Variants in COL4A5 observed in about 807,000 individuals in gnomAD.
The protein encoded by COL4A5 is collagen alpha-5(IV) chain.
COL4A5 carries 26 observed loss-of-function variants against 130.2 expected under a neutral mutation model. That is an observed-to-expected ratio of 0.20 (90% CI 0.15 to 0.28). The LOEUF is 0.28. COL4A5 is among the 10% of genes least tolerant of loss of function. The probability of loss-of-function intolerance (pLI) is 1.00; values close to 1 mark genes in which losing one functional copy is unlikely to be tolerated. For synonymous variants in COL4A5, 496 were observed against 439.6 expected, an observed-to-expected ratio of 1.13 and a Z score of -1.60; for missense variants, 1,131 against 1,344.3, an observed-to-expected ratio of 0.84 and a Z score of 2.48.
intron 49 of COL4A5, among the ~76,000 whole-genome samples, chrX:108,690,604 C>G (rs1486000255): frequency 3.6e-5 from 4 of 111,502 alleles, no homozygotes; most frequent in Non-Finnish European, 1.9e-5. Flanking sequence ...TAAAGTCAAT[C>G]TGACTTTAGC....
intron 2 of COL4A5, among the ~76,000 whole-genome samples, chrX:108,548,195 A>G (rs1372624821): frequency 3.6e-5 from 4 of 112,088 alleles, no homozygotes; most frequent in African/African-American, 1.3e-4. Flanking sequence ...TGTCTTCTGC[A>G]TCGCTCACGC....
chrX:108,531,294 G>T (rs1375105329), intron 1 of COL4A5, among the ~76,000 whole-genome samples: 2 of 100,923 alleles, frequency 2.0e-5, no homozygotes, highest in African/African-American at 7.2e-5. Context: ...CACCAGCATG[G>T]CACATGTACA....
At chrX:108,607,836 G>A (rs751265059) in intron 29 of COL4A5, among the ~76,000 whole-genome samples, 1 of 111,172 alleles carries the variant, frequency 9.0e-6, no homozygotes, top group Non-Finnish European at 1.9e-5. Context: ...ATTTTCTTTT[G>A]ACTTTATTTG....
At chrX:108,669,712 T>TACTAGTAATGAATGAGTAATGAGCTC (rs2068159882) in intron 41 of COL4A5, among the ~76,000 whole-genome samples, 1 of 112,188 alleles carries the variant, frequency 8.9e-6, no homozygotes, top group African/African-American at 3.2e-5. Flanking sequence ...TATTCGTTCT[T>TACTAGTAATGAATGAGTAATGAGCTC]ACTAGTAATG....
chrX:108,486,918 G>A (rs1398687384), intron 1 of COL4A5, among the ~76,000 whole-genome samples: 2 of 112,106 alleles, frequency 1.8e-5, no homozygotes, highest in Non-Finnish European at 3.8e-5. Context: ...TGTTTTTTCT[G>A]TTTGTTTTTG....
At chrX:108,608,543 CCATT>C (rs1485901339) in intron 29 of COL4A5, among the ~76,000 whole-genome samples, 1 of 111,195 alleles carries the variant, frequency 9.0e-6, no homozygotes, top group African/African-American at 3.3e-5. Flanking sequence ...CTGTCTCCAT[CCATT>C]CATCTATTTT....
intron 1 of COL4A5, among the ~76,000 whole-genome samples, chrX:108,459,120 A>G (rs752703880): frequency 1.7e-4 from 19 of 111,076 alleles, no homozygotes; most frequent in Non-Finnish European, 2.8e-4. Context: ...TTTTCTTTCA[A>G]TTGTTTGTTG....
intron 1 of COL4A5, among the ~76,000 whole-genome samples, chrX:108,536,338 C>G (rs1459664764): frequency 2.7e-5 from 3 of 109,214 alleles, no homozygotes; most frequent in African/African-American, 9.9e-5. Flanking sequence ...TAACTGAATA[C>G]CATACTATTT....
At chrX:108,467,143 G>C (rs181314750) in intron 1 of COL4A5, among the ~76,000 whole-genome samples, 4 of 111,666 alleles carry the variant, frequency 3.6e-5, no homozygotes, top group Non-Finnish European at 7.5e-5. Context: ...TATTATACAA[G>C]TTGTGTGGTT....
At chrX:108,671,758 G>A (rs908526076) in intron 42 of COL4A5, among the ~76,000 whole-genome samples, 1 of 111,712 alleles carries the variant, frequency 9.0e-6, no homozygotes, top group Non-Finnish European at 1.9e-5. Flanking sequence ...TCAAAGGTGG[G>A]AGATCAGGAA....
In COL4A5 at chrX:108,529,454, C is replaced by A. The variant is rs1603265065; in HGVS notation, c.82-10292C>A. On this transcript the variant is annotated intron_variant, in intron 1 of 52. Transcript: ENST00000328300. ...GGTAACACTATAGCAATCTACCAAA[C>A]CTCAAAAACAATTAAAAAGAGAAAA... is the stretch of plus-strand genomic sequence containing the variant. Among the ~76,000 whole-genome samples, 3 of 111,086 alleles carry A rather than the reference C, an allele frequency of 2.7e-5. No individual in the cohort carries two copies. In the South Asian group the frequency reaches 1.1e-3, roughly 42 times the overall value.
At chrX:108,543,245 A>T (rs749174536) in intron 2 of COL4A5, among the ~76,000 whole-genome samples, 2 of 111,691 alleles carry the variant, frequency 1.8e-5, no homozygotes, top group East Asian at 5.6e-4. Context: ...TTTTAGATCT[A>T]GCATTTAAGT....
chrX:108,613,271 CT>C (rs953009143), intron 29 of COL4A5, among the ~76,000 whole-genome samples: 1 of 111,588 alleles, frequency 9.0e-6, no homozygotes, highest in African/African-American at 3.2e-5. Flanking sequence ...GTCACATATT[CT>C]TTTTTAAACA....
At chrX:108,635,427 A>G (rs940873539) in intron 36 of COL4A5, among the ~76,000 whole-genome samples, 3 of 111,889 alleles carry the variant, frequency 2.7e-5, no homozygotes, top group African/African-American at 9.7e-5. Flanking sequence ...TAATGACTCT[A>G]TGGAACTATA....
chrX:108,656,913 T>G (rs1482960274), intron 37 of COL4A5, among the ~76,000 whole-genome samples: 1 of 111,690 alleles, frequency 9.0e-6, no homozygotes, highest in African/African-American at 3.2e-5. Flanking sequence ...ATGAGTCCTT[T>G]GTCAGATACA....
Position 108,454,139 on chromosome X carries a change from T to C in COL4A5, c.81+13933T>C, listed in dbSNP as rs6622324. 9.8e-4 allele frequency among the ~76,000 whole-genome samples: 110 copies of C among 112,530 alleles called. 3 individuals are homozygous for C. The East Asian group carries it at 0.029, about 30-fold the overall frequency. On this transcript the variant is annotated intron_variant, in intron 1 of 52. Coordinates refer to ENST00000328300, the MANE Select transcript of COL4A5 (RefSeq NM_033380.3). The stretch of plus-strand genomic sequence containing the variant: ...ATAGTTGTTGAATGAATGTTGAATT[T>C]GGGGAAGGAGTAGATTTATCCGGAT...
chrX:108,545,187 T>C (rs2065626016), intron 2 of COL4A5, among the ~76,000 whole-genome samples: 1 of 111,895 alleles, frequency 8.9e-6, no homozygotes, highest in Non-Finnish European at 1.9e-5. Context: ...TCTAGTTCTT[T>C]TAATTGTGAT....
rs760169508 is a variant in COL4A5 at position 108,470,520 on chromosome X, G to A, written c.81+30314G>A. ...ATTTGTCTTTTGCTTGTTGAATTAA[G>A]TTATTTGTAGATTCTGGATACTATA... On this transcript the variant is annotated intron_variant, in intron 1 of 52. Coordinates refer to ENST00000328300, the MANE Select transcript of COL4A5 (RefSeq NM_033380.3). 8.3e-4 allele frequency among the ~76,000 whole-genome samples: 92 copies of A among 111,351 alleles called. No homozygotes were observed. In the Middle Eastern group the frequency reaches 0.014, roughly 17 times the overall value.
At chrX:108,624,361 A>G (rs2067111822) in intron 34 of COL4A5, 27 bp downstream of exon 34, 3 of 1,020,329 alleles carry the variant, frequency 2.9e-6, no homozygotes, top group African/African-American at 1.9e-5. Flanking sequence ...ATTTGTAGCA[A>G]TTGCTTAGCT....
Sources: gnomAD v4.1 joint callset for allele counts (sites outside exome capture counted in the v4.1 genomes callset) on GRCh38, gnomAD v4.1.1 for gene constraint, MANE v1.5 for transcripts, NCBI Gene and HGNC (gene_info 2026-07-23, HGNC 2026-07-21) for gene names.